Variants in GAB1 observed in about 807,000 individuals in gnomAD.
GAB1 encodes the protein GRB2 associated binding protein 1, also known as GRB2-associated-binding protein 1.
GAB1 carries 19 observed loss-of-function variants against 66.5 expected under a neutral mutation model. The observed-to-expected ratio is 0.29, with a 90% CI of 0.20 to 0.42. The LOEUF (loss-of-function observed/expected upper bound fraction) is 0.42, where lower values mean the gene tolerates loss of function less well. GAB1 is among the 10% of genes least tolerant of loss of function. The pLI is 1.00. For synonymous variants in GAB1, 294 were observed against 301.4 expected (o/e 0.98, Z 0.25); for missense variants, 732 against 858.5 (o/e 0.85, Z 1.84).
intron 1 of GAB1, among the ~76,000 whole-genome samples, chr4:143,375,803 C>T (rs908528332): frequency 6.6e-6 from 1 of 152,108 alleles, no homozygotes; most frequent in Non-Finnish European, 1.5e-5. Flanking sequence ...CTGCCCTGTG[C>T]ATTATAGGGT....
chr4:143,336,976 C>G lies in GAB1; in HGVS notation c.-213C>G. 2.1e-6 allele frequency: 1 copy of G among 487,120 alleles called. No individual in the cohort carries two copies. The highest frequency in any genetic ancestry group is 3.6e-6 in the Non-Finnish European group (1 of 275,138). 30.2% of individuals were successfully genotyped at this position (487,120 alleles called of 1,614,324 possible). ...AAGGAGGCCGGCGCGCCCGCGGCCC[C>G]GGCTCGCGTTCTGTTCAGGTTCGTG... On this transcript the variant is annotated 5_prime_UTR_variant, in exon 1 of 10. Transcript: ENST00000262994.
chr4:143,365,537 C>T (rs1409151673), intron 1 of GAB1, among the ~76,000 whole-genome samples: 1 of 152,138 alleles, frequency 6.6e-6, no homozygotes, highest in African/African-American at 2.4e-5. Context: ...TTTCTCTATA[C>T]CCCTCTTGAC....
intron 1 of GAB1, among the ~76,000 whole-genome samples, chr4:143,384,849 C>T (rs1178214262): frequency 1.3e-5 from 2 of 152,192 alleles, no homozygotes; most frequent in Non-Finnish European, 2.9e-5. Context: ...TGAAGTCTTT[C>T]AAAGGAATCT....
intron 1 of GAB1, among the ~76,000 whole-genome samples, chr4:143,343,857 A>T (rs1728904237): frequency 6.6e-6 from 1 of 152,090 alleles, no homozygotes; most frequent in Non-Finnish European, 1.5e-5. Flanking sequence ...GCTTCCCAGC[A>T]CCCCAGTTTC....
intron 1 of GAB1, among the ~76,000 whole-genome samples, chr4:143,392,161 A>G (rs545956842): frequency 6.6e-6 from 1 of 152,322 alleles, no homozygotes; most frequent in South Asian, 2.1e-4. Flanking sequence ...ACTACCAAAA[A>G]TAGCTGCAGT....
chr4:143,438,093 C>G lies in GAB1; in HGVS notation c.688C>G (p.His230Asp), dbSNP rs764478225. 2.5e-6 allele frequency: 4 copies of G among 1,614,056 alleles called. No homozygotes were observed. The Admixed American group carries it at 6.7e-5, about 27-fold the overall frequency. ...HKNPASSQSK[H>D]GMNGFFQQQM... is the part of the protein sequence containing the mutation. ...AAATCCTGCTTCCTCCCAGAGCAAA[C>G]ATGGAATGAATGGCTTTTTTCAGCA... Residue 230 changes from histidine to aspartate, a missense_variant, in exon 4 of 10, where the codon CAT (histidine) becomes GAT (aspartate). This residue lies in a region of GAB1 where 427 missense variants were observed against 420.6 expected (regional missense o/e 1.02). Coordinates refer to ENST00000262994, the MANE Select transcript of GAB1 (RefSeq NM_002039.4).
In GAB1 at chr4:143,405,429, A is replaced by G. The variant is rs141462032; in HGVS notation, c.73-10048A>G. ...ATTAAGTTAGTTTCACTTTTTGTTC[A>G]CTGAGCCTTGTGGGCTGGAGATTTG... On this transcript the variant is annotated intron_variant, in intron 1 of 9. Transcript: ENST00000262994. Among the ~76,000 whole-genome samples, 277 of 152,294 alleles carry G rather than the reference A, an allele frequency of 1.8e-3. 2 individuals carry two copies. Among genetic ancestry groups the G allele is most frequent in the African/African-American group, 6.4e-3 (268 of 41,566 alleles).
Position 143,438,381 on chromosome 4 carries a change from G to A in GAB1, c.976G>A (p.Gly326Arg). 6.2e-7 allele frequency: 1 copy of A among 1,614,028 alleles called. No homozygotes were observed. Among genetic ancestry groups the A allele is most frequent in the Non-Finnish European group, 8.5e-7 (1 of 1,179,992 alleles). ...TYQIPRTFPE[G>R]TLGQTSKLDT... is the part of the protein sequence containing the mutation. ...TCAGATTCCACGAACATTTCCAGAA[G>A]GAACCTTGGGACAGACATCAAAGCT... The change falls in exon 4 of 10, where the codon GGA becomes AGA. Residue 326 changes from glycine (G) to arginine (R), a missense_variant. Gly to Arg is a moderately radical substitution (Grantham distance 125, BLOSUM62 -2). This residue lies in a region of GAB1 where 427 missense variants were observed against 420.6 expected (regional missense o/e 1.02). Transcript: ENST00000262994.
At chr4:143,393,708 G>A (rs1375547718) in intron 1 of GAB1, among the ~76,000 whole-genome samples, 1 of 152,130 alleles carries the variant, frequency 6.6e-6, no homozygotes, top group Non-Finnish European at 1.5e-5. Flanking sequence ...TGCATCAAGA[G>A]TGGAGGGTCA....
chr4:143,370,177 G>A (rs945333838), intron 1 of GAB1, among the ~76,000 whole-genome samples: 2 of 152,196 alleles, frequency 1.3e-5, no homozygotes, highest in Non-Finnish European at 2.9e-5. Context: ...GCAAGTAAAA[G>A]GGTATGGGGC....
chr4:143,389,957 G>T (rs1388067993), intron 1 of GAB1, among the ~76,000 whole-genome samples: 1 of 152,298 alleles, frequency 6.6e-6, no homozygotes, highest in Non-Finnish European at 1.5e-5. Context: ...TAAAAGTTTG[G>T]GAGGAGTGAA....
chr4:143,380,178 G>T (rs62337522), intron 1 of GAB1, among the ~76,000 whole-genome samples: 4,297 of 151,728 alleles, frequency 0.028, 74 homozygotes, highest in South Asian at 0.04. Flanking sequence ...TTCATAAAAT[G>T]AGAATATTGA....
chr4:143,409,580 G>A (rs1296001061), intron 1 of GAB1, among the ~76,000 whole-genome samples: 2 of 151,980 alleles, frequency 1.3e-5, no homozygotes, highest in African/African-American at 2.4e-5. Context: ...AGTATTTGGA[G>A]AGTTTGGAAA....
chr4:143,434,129 T>A (rs981527553), intron 3 of GAB1: 15 of 1,291,680 alleles, frequency 1.2e-5, no homozygotes, highest in Middle Eastern at 2.1e-4. Context: ...GAGGAATACC[T>A]TCTACTAGAA....
At chr4:143,345,586 A>G (rs1728960770) in intron 1 of GAB1, among the ~76,000 whole-genome samples, 1 of 152,124 alleles carries the variant, frequency 6.6e-6, no homozygotes, top group African/African-American at 2.4e-5. Context: ...AAACAGCTTT[A>G]TACATACTTC....
chr4:143,345,700 A>G (rs914965404), intron 1 of GAB1, among the ~76,000 whole-genome samples: 5 of 152,262 alleles, frequency 3.3e-5, no homozygotes, highest in African/African-American at 1.2e-4. Context: ...GCAAAATGTC[A>G]AATAATACCA....
intron 6 of GAB1, among the ~76,000 whole-genome samples, chr4:143,447,689 T>C (rs1207378487): frequency 1.3e-5 from 2 of 152,214 alleles, no homozygotes; most frequent in Non-Finnish European, 2.9e-5. Context: ...GATTTTGAGC[T>C]GAGACAATGG....
rs1202072352 is a variant in GAB1, at chr4:143,443,342, A to G, written c.1585+2960A>G. Among the ~76,000 whole-genome samples, 6 of 152,262 alleles carry G rather than the reference A, an allele frequency of 3.9e-5. No individual in the cohort carries two copies. In the East Asian group the frequency reaches 1.2e-3, roughly 29 times the overall value. On this transcript the variant is annotated intron_variant, in intron 6 of 9. Transcript: ENST00000262994. ...GTACTATTCTACTTTTTAAATAGTT[A>G]TGATACAGGAGAGGAGGCTTGAGAA...
intron 1 of GAB1, among the ~76,000 whole-genome samples, chr4:143,403,374 G>A (rs1731873414): frequency 6.6e-6 from 1 of 152,162 alleles, no homozygotes; most frequent in African/African-American, 2.4e-5. Flanking sequence ...CCTGTTGACC[G>A]AAGGTTATGA....
Sources: gnomAD v4.1 joint callset for allele counts (sites outside exome capture counted in the v4.1 genomes callset) on GRCh38, gnomAD v4.1.1 for gene constraint, gnomAD v4.1.1 regional missense constraint, MANE v1.5 for transcripts, NCBI Gene and HGNC (gene_info 2026-07-23, HGNC 2026-07-21) for gene names.